Variants in ACOXL observed in about 807,000 individuals in gnomAD.
ACOXL encodes acyl-coenzyme A oxidase-like protein.
ACOXL carries 70 observed loss-of-function variants against 71.9 expected under a neutral mutation model. That is an observed-to-expected ratio of 0.97 (90% CI 0.80 to 1.19). The LOEUF is 1.19. Among genes scored for constraint, ACOXL ranks in the 50% most tolerant of loss-of-function variants. ACOXL has a pLI of 0.00. For synonymous variants in ACOXL, 253 were observed against 281.6 expected, an observed-to-expected ratio of 0.90 and a Z score of 1.02; for missense variants, 703 against 736.3, an observed-to-expected ratio of 0.95 and a Z score of 0.52.
chr2:110,776,946 G>A (rs1682725070), intron 2 of ACOXL, among the ~76,000 whole-genome samples: 1 of 151,852 alleles, frequency 6.6e-6, no homozygotes, highest in African/African-American at 2.4e-5. Context: ...GAAGTGGCAG[G>A]AATGGGGATT....
At chr2:111,073,031 T>C (rs13023650) in intron 16 of ACOXL, among the ~76,000 whole-genome samples, 14,154 of 152,274 alleles carry the variant, frequency 0.093, 728 homozygotes, top group Non-Finnish European at 0.11. Flanking sequence ...AATCTTTCGA[T>C]GTGCTTGTTT....
Position 111,073,476 on chromosome 2 carries a change from A to T in ACOXL, c.1441-19389A>T, listed in dbSNP as rs542582011. 3.3e-5 allele frequency among the ~76,000 whole-genome samples: 5 copies of T among 152,302 alleles called. No individual in the cohort carries two copies. The South Asian group carries it at 1.0e-3, about 32-fold the overall frequency. On this transcript the variant is annotated intron_variant, in intron 16 of 17. Coordinates refer to ENST00000439055, the MANE Select transcript of ACOXL (RefSeq NM_001142807.4). Reference sequence around the variant, plus strand: ...GTCAAGATATGCTTATCTTTTGACTATTGTGATATCAAATTGACTATTGTG... The same window carrying T: ...GTCAAGATATGCTTATCTTTTGACTTTTGTGATATCAAATTGACTATTGTG...
intron 12 of ACOXL, among the ~76,000 whole-genome samples, chr2:110,972,588 A>G (rs1480244226): frequency 2.0e-5 from 3 of 152,052 alleles, no homozygotes; most frequent in Non-Finnish European, 2.9e-5. Context: ...TGTAAAAAAT[A>G]CATATATACA....
chr2:110,995,941 G>A lies in ACOXL; in HGVS notation c.1218G>A (p.Leu406=). 1 of 1,609,380 alleles carries A rather than the reference G, an allele frequency of 6.2e-7. No homozygotes were observed. The highest frequency in any genetic ancestry group is 8.5e-7 in the Non-Finnish European group (1 of 1,179,906). The change falls in exon 14 of 18, where the codon TTG becomes TTA. Residue 406 remains leucine, a synonymous_variant. Transcript: ENST00000439055. ...CAGTTGATGATCTCGCCTTTCTGTT[G>A]AAAGCAGTGAAATTTCGTGAAAGGG... The part of the protein sequence containing the change: ...MDTVDDLAFL[L]KAVKFRERVL...
At chr2:111,005,888 C>T (rs902575005) in intron 14 of ACOXL, among the ~76,000 whole-genome samples, 5 of 152,052 alleles carry the variant, frequency 3.3e-5, no homozygotes, top group Admixed American at 6.6e-5. Context: ...CAGTGCTGGT[C>T]GGTTTGTACT....
chr2:111,057,017 CT>C (rs1322993698), intron 16 of ACOXL, among the ~76,000 whole-genome samples: 1 of 152,152 alleles, frequency 6.6e-6, no homozygotes, highest in African/African-American at 2.4e-5. Flanking sequence ...GAGACAGACA[CT>C]TCAGCACCTT....
At chr2:110,863,314 G>C (rs1334247073) in intron 10 of ACOXL, among the ~76,000 whole-genome samples, 1 of 152,170 alleles carries the variant, frequency 6.6e-6, no homozygotes, top group Non-Finnish European at 1.5e-5. Context: ...ATATAATGTT[G>C]AGTTAATTTT....
At chr2:110,947,918 G>A (rs942692354) in intron 12 of ACOXL, among the ~76,000 whole-genome samples, 12 of 152,238 alleles carry the variant, frequency 7.9e-5, no homozygotes, top group East Asian at 3.8e-4. Flanking sequence ...GGCCAGGGCC[G>A]GTGCCCTCCA....
At chr2:110,768,535 A>AGAGC in intron 2 of ACOXL, 71 bp downstream of exon 2, 1 of 1,406,932 alleles carries the variant, frequency 7.1e-7, no homozygotes, top group African/African-American at 1.5e-5. Context: ...AGAGAGAGAG[A>AGAGC]GAGTTTTTTT....
intron 9 of ACOXL, among the ~76,000 whole-genome samples, chr2:110,818,713 C>T (rs1464086598): frequency 1.3e-5 from 2 of 152,016 alleles, no homozygotes; most frequent in Non-Finnish European, 2.9e-5. Context: ...TTATTCACTC[C>T]AGCTGGACTA....
chr2:110,953,369 G>C (rs2061393105), intron 12 of ACOXL, among the ~76,000 whole-genome samples: 1 of 151,644 alleles, frequency 6.6e-6, no homozygotes, highest in Non-Finnish European at 1.5e-5. Context: ...CCATCGTAGA[G>C]AAAATGGCCC....
At chr2:111,025,883 G>A (rs936403825) in intron 14 of ACOXL, among the ~76,000 whole-genome samples, 3 of 152,162 alleles carry the variant, frequency 2.0e-5, no homozygotes, top group Non-Finnish European at 4.4e-5. Context: ...TGTAGATTTA[G>A]TGTTTACATT....
chr2:110,876,860 T>A (rs1279123554), intron 10 of ACOXL, among the ~76,000 whole-genome samples: 1 of 152,232 alleles, frequency 6.6e-6, no homozygotes, highest in Admixed American at 6.5e-5. Context: ...GATGAAAATC[T>A]CACCTTTGTG....
intron 2 of ACOXL, among the ~76,000 whole-genome samples, chr2:110,777,527 A>G (rs1682802685): frequency 6.6e-6 from 1 of 152,192 alleles, no homozygotes; most frequent in Non-Finnish European, 1.5e-5. Context: ...ACAGCTGTGT[A>G]TGGTGCAACT....
chr2:110,986,032 C>T (rs2062917648), intron 12 of ACOXL, among the ~76,000 whole-genome samples: 1 of 152,168 alleles, frequency 6.6e-6, no homozygotes, highest in Non-Finnish European at 1.5e-5. Context: ...TGCTATTTGT[C>T]TGCTTATATT....
In ACOXL at chr2:110,821,286, T is replaced by TC. The variant is rs987726476; in HGVS notation, c.753+15891_753+15892insC. On this transcript the variant is annotated intron_variant, in intron 9 of 17. Transcript: ENST00000439055. ...TCAAAATACTTTCTCTCTCTCTCTC[T>TC]TTTTTTTTAACATATTTCTGCTAGT... Among the ~76,000 whole-genome samples the TC allele has an allele frequency of 7.7e-5, 11 of 141,950 alleles. No homozygotes were observed. The South Asian group carries it at 1.7e-3, about 22-fold the overall frequency. The allele number at this position is 141,950 out of a possible 152,430, so 93.1% of individuals were successfully genotyped here.
In ACOXL at chr2:111,004,123, C is replaced by T. The variant is rs527533602; in HGVS notation, c.1281+8119C>T. On this transcript the variant is annotated intron_variant, in intron 14 of 17. Transcript: ENST00000439055. ...CAGAGTCTGGGCAATAGTCTTTGGA[C>T]AGTGTCCAAGAGAGGGTGATTTCAT... Among the ~76,000 whole-genome samples, 6 of 152,306 alleles carry T rather than the reference C, an allele frequency of 3.9e-5. No individual in the cohort carries two copies. The East Asian group carries it at 1.2e-3, about 29-fold the overall frequency.
chr2:110,867,890 G>A (rs1318545412), intron 10 of ACOXL, among the ~76,000 whole-genome samples: 1 of 152,042 alleles, frequency 6.6e-6, no homozygotes, highest in South Asian at 2.1e-4. Context: ...AGCCTCCCGA[G>A]TAGCTGGGAT....
At chr2:110,778,929 A>G (rs1239267726) in intron 2 of ACOXL, among the ~76,000 whole-genome samples, 1 of 152,228 alleles carries the variant, frequency 6.6e-6, no homozygotes, top group Non-Finnish European at 1.5e-5. Flanking sequence ...CAAGCTGGTA[A>G]TGTCAATAAG....
Sources: gnomAD v4.1 joint callset for allele counts (sites outside exome capture counted in the v4.1 genomes callset) on GRCh38, gnomAD v4.1.1 for gene constraint, MANE v1.5 for transcripts, NCBI Gene and HGNC (gene_info 2026-07-23, HGNC 2026-07-21) for gene names.